The following POU2F1 variants were observed in gnomAD, a reference collection of about 807,000 sequenced individuals.
The protein encoded by POU2F1 is POU class 2 homeobox 1, also known as POU domain, class 2, transcription factor 1.
POU2F1 carries 16 observed loss-of-function variants against 84.9 expected under a neutral mutation model. That is an observed-to-expected ratio of 0.19 (90% CI 0.13 to 0.29). The LOEUF is 0.29. Ranked by LOEUF, POU2F1 falls within the 10% of genes least tolerant of loss-of-function variation. The pLI, the probability that POU2F1 is intolerant of heterozygous loss-of-function variation, is 1.00. For missense variants in POU2F1, 738 were observed against 942.6 expected, an observed-to-expected ratio of 0.78 and a Z score of 2.84; for synonymous variants, 368 against 368.3, an observed-to-expected ratio of 1.00 and a Z score of 0.01.
chr1:167,290,105 T>C (rs149649111), intron 1 of POU2F1, among the ~76,000 whole-genome samples: 171 of 152,258 alleles, frequency 1.1e-3, no homozygotes, highest in African/African-American at 3.8e-3. Context: ...TAAGATTGCA[T>C]GAAGGCTGGG....
chr1:167,393,291 G>T (rs951348390), intron 9 of POU2F1, among the ~76,000 whole-genome samples: 3 of 152,148 alleles, frequency 2.0e-5, no homozygotes, highest in African/African-American at 4.8e-5. Flanking sequence ...ATGAAAATTA[G>T]TATGTTAACT....
intron 13 of POU2F1, among the ~76,000 whole-genome samples, chr1:167,410,730 G>C (rs1232461467): frequency 6.6e-6 from 1 of 151,966 alleles, no homozygotes; most frequent in Non-Finnish European, 1.5e-5. Flanking sequence ...TGGCCAGGCT[G>C]GTTTCGAGCT....
At chr1:167,352,965 C>G (rs1658680063) in intron 2 of POU2F1, among the ~76,000 whole-genome samples, 1 of 152,192 alleles carries the variant, frequency 6.6e-6, no homozygotes, top group African/African-American at 2.4e-5. Flanking sequence ...CATTTAAATG[C>G]CTGAATCCTG....
In POU2F1 at chr1:167,227,348, GT is replaced by G. The variant is rs904022395; in HGVS notation, c.61+6393del. 3.3e-5 allele frequency among the ~76,000 whole-genome samples: 5 copies of G among 152,176 alleles called. No homozygotes were observed. The East Asian group carries it at 5.8e-4, about 18-fold the overall frequency. On this transcript the variant is annotated intron_variant, in intron 1 of 15. Coordinates refer to ENST00000367866, the MANE Select transcript of POU2F1 (RefSeq NM_002697.4). ...TCAATAATAATAATTATTATGGCAG[GT>G]TTCCCCCCCTCTGTTGAACTTTCTC...
intron 6 of POU2F1, among the ~76,000 whole-genome samples, chr1:167,375,144 AAG>A (rs1341340287): frequency 4.6e-5 from 7 of 152,362 alleles, no homozygotes; most frequent in East Asian, 3.9e-4. Context: ...AAAATATATG[AAG>A]AGTTATTATG....
At chr1:167,255,489 A>C (rs1440492211) in intron 1 of POU2F1, among the ~76,000 whole-genome samples, 1 of 152,352 alleles carries the variant, frequency 6.6e-6, no homozygotes, top group Non-Finnish European at 1.5e-5. Flanking sequence ...AAAATAAGAT[A>C]GTTTTTATGG....
At chr1:167,229,654 A>G (rs1195239031) in intron 1 of POU2F1, among the ~76,000 whole-genome samples, 1 of 152,236 alleles carries the variant, frequency 6.6e-6, no homozygotes, top group Non-Finnish European at 1.5e-5. Flanking sequence ...GCATTTTTAA[A>G]GTAACTCTGT....
intron 2 of POU2F1, among the ~76,000 whole-genome samples, chr1:167,359,093 T>G (rs1233994305): frequency 6.6e-6 from 1 of 152,062 alleles, no homozygotes; most frequent in African/African-American, 2.4e-5. Flanking sequence ...TTCTCAGTGC[T>G]CTTATCCTTA....
At chr1:167,400,503 A>G (rs1649134592) in intron 12 of POU2F1, among the ~76,000 whole-genome samples, 1 of 152,226 alleles carries the variant, frequency 6.6e-6, no homozygotes, top group Admixed American at 6.5e-5. Context: ...TGATTAAGTG[A>G]CAATAAGTTA....
intron 1 of POU2F1, among the ~76,000 whole-genome samples, chr1:167,242,303 C>T (rs1029298942): frequency 6.6e-5 from 10 of 152,318 alleles, no homozygotes; most frequent in African/African-American, 2.4e-4. Context: ...ACGAGAATTT[C>T]AGCACTATGA....
At chr1:167,223,345 T>C (rs1430108214) in intron 1 of POU2F1, among the ~76,000 whole-genome samples, 1 of 152,216 alleles carries the variant, frequency 6.6e-6, no homozygotes, top group African/African-American at 2.4e-5. Context: ...GAGAGGCAGA[T>C]TAACTTTTAC....
At chr1:167,271,878 TG>T in intron 1 of POU2F1, among the ~76,000 whole-genome samples, 1 of 152,198 alleles carries the variant, frequency 6.6e-6, no homozygotes, top group Non-Finnish European at 1.5e-5. Context: ...TACATTTTTT[TG>T]TGGGGGAAAA....
intron 5 of POU2F1, 92 bp downstream of exon 5, chr1:167,372,128 T>G (rs1050227187): frequency 6.8e-7 from 1 of 1,463,162 alleles, no homozygotes; most frequent in Non-Finnish European, 9.2e-7. Context: ...CCATAGCTGG[T>G]AGTAACATGG....
At chr1:167,292,297 T>G (rs1182895432) in intron 1 of POU2F1, among the ~76,000 whole-genome samples, 1 of 152,100 alleles carries the variant, frequency 6.6e-6, no homozygotes, top group Non-Finnish European at 1.5e-5. Flanking sequence ...TACTTATTGG[T>G]GCAATTTTTA....
intron 1 of POU2F1, among the ~76,000 whole-genome samples, chr1:167,303,007 C>T (rs1024335984): frequency 4.6e-5 from 7 of 152,028 alleles, no homozygotes; most frequent in African/African-American, 1.7e-4. Flanking sequence ...AATCTTATAT[C>T]TTTTTTCAGA....
At chr1:167,406,168 A>G (rs1649561657) in intron 13 of POU2F1, among the ~76,000 whole-genome samples, 3 of 152,214 alleles carry the variant, frequency 2.0e-5, no homozygotes, top group Non-Finnish European at 4.4e-5. Context: ...AAATCGAACG[A>G]TTATATACAT....
intron 1 of POU2F1, among the ~76,000 whole-genome samples, chr1:167,247,075 T>A (rs564915190): frequency 6.8e-6 from 1 of 146,946 alleles, no homozygotes; most frequent in South Asian, 2.2e-4. Flanking sequence ...TGTGATTGAA[T>A]TTTTTTTTTT....
At position 167,294,261 on chromosome 1, in the gene POU2F1, A is replaced by G. The variant is rs566175829; in HGVS notation, c.62-38209A>G. ...CTACTCAGGAGGCTGAGGTAGGAGA[A>G]TGATGTGAACCCGGGAGGCGGATCT... On this transcript the variant is annotated intron_variant, in intron 1 of 15. Coordinates refer to ENST00000367866, the MANE Select transcript of POU2F1 (RefSeq NM_002697.4). 3.8e-3 allele frequency among the ~76,000 whole-genome samples: 577 copies of G among 151,714 alleles called. 3 individuals are homozygous for G. The highest frequency in any genetic ancestry group is 0.013 in the African/African-American group (529 of 41,314).
intron 1 of POU2F1, among the ~76,000 whole-genome samples, chr1:167,310,455 A>G (rs531519317): frequency 6.6e-6 from 1 of 152,266 alleles, no homozygotes; most frequent in South Asian, 2.1e-4. Flanking sequence ...CACAGAAAAG[A>G]TAATTAATGA....
Sources: allele counts gnomAD v4.1 joint callset (sites outside exome capture counted in the v4.1 genomes callset), GRCh38; gene constraint gnomAD v4.1.1; transcripts MANE v1.5; gene names NCBI Gene and HGNC (gene_info 2026-07-23, HGNC 2026-07-21).